NUP210L: variants seen among roughly 807,000 people sequenced by gnomAD.
The protein encoded by NUP210L is nucleoporin 210 like.
A neutral mutation model predicts 208.5 loss-of-function variants in NUP210L; 74 were observed. The observed-to-expected ratio is 0.35, with a 90% CI of 0.29 to 0.43. NUP210L has a LOEUF of 0.43. Among genes scored for constraint, NUP210L ranks in the 20% least tolerant of loss-of-function variants. The pLI, the probability that NUP210L is intolerant of heterozygous loss-of-function variation, is 1.00. For missense variants in NUP210L, 1,843 were observed against 2,289.4 expected, an observed-to-expected ratio of 0.81 and a Z score of 3.98; for synonymous variants, 780 against 816.9, an observed-to-expected ratio of 0.95 and a Z score of 0.77.
intron 25 of NUP210L, among the ~76,000 whole-genome samples, chr1:154,048,942 G>T (rs1365948411): frequency 6.6e-6 from 1 of 152,122 alleles, no homozygotes; most frequent in East Asian, 1.9e-4. Context: ...TGGAAATGGG[G>T]AAAAGTGAAA....
intron 35 of NUP210L, among the ~76,000 whole-genome samples, chr1:154,006,205 G>C (rs887261637): frequency 1.3e-5 from 2 of 151,974 alleles, no homozygotes; most frequent in Non-Finnish European, 2.9e-5. Flanking sequence ...TTTAGACAGA[G>C]TCTTGCTCTG....
intron 2 of NUP210L, among the ~76,000 whole-genome samples, chr1:154,152,086 G>A (rs1387123040): frequency 1.8e-4 from 13 of 71,314 alleles, no homozygotes; most frequent in African/African-American, 2.2e-4. Flanking sequence ...GCGAAACTCC[G>A]TCTCAAAAAA....
At chr1:154,118,025 C>T (rs17366139) in intron 11 of NUP210L, 145 bp from the exon 12 acceptor site, 7 of 634,270 alleles carry the variant, frequency 1.1e-5, no homozygotes, top group Non-Finnish European at 1.8e-5. Flanking sequence ...AACTGTGACA[C>T]TAGGCTGGGC....
intron 15 of NUP210L, among the ~76,000 whole-genome samples, chr1:154,092,542 T>G (rs11488688): frequency 7.0e-6 from 1 of 142,788 alleles, no homozygotes; most frequent in Non-Finnish European, 1.5e-5. Context: ...GCTAGTTTTT[T>G]GTTTTTTGTT....
At chr1:154,054,356 T>C in exon 25 of NUP210L, 1 of 1,614,226 alleles carries the variant, frequency 6.2e-7, no homozygotes, top group Non-Finnish European at 8.5e-7. Flanking sequence ...GTCTGATTAC[T>C]GATGGAGAAG....
intron 23 of NUP210L, among the ~76,000 whole-genome samples, chr1:154,055,293 CAGGCTGG>C (rs1316752515): frequency 6.6e-6 from 1 of 151,566 alleles, no homozygotes; most frequent in East Asian, 1.9e-4. Flanking sequence ...CTCTGTCACC[CAGGCTGG>C]AGTGCAGTGG....
At chr1:154,123,176 G>A (rs770325260) in intron 10 of NUP210L, among the ~76,000 whole-genome samples, 1 of 151,918 alleles carries the variant, frequency 6.6e-6, no homozygotes, top group South Asian at 2.1e-4. Context: ...ACGGAGTTTC[G>A]CTCTTGTTGC....
intron 17 of NUP210L, among the ~76,000 whole-genome samples, chr1:154,065,890 C>T (rs930311015): frequency 1.2e-4 from 6 of 50,176 alleles, no homozygotes; most frequent in Non-Finnish European, 1.8e-4. Context: ...GAGACTCTGT[C>T]TCAAAAAAAA....
rs962570942 is a variant in NUP210L at position 153,996,012 on chromosome 1, G to A, written c.5387-832C>T. 2.1e-5 allele frequency: 8 copies of A among 376,470 alleles called. No homozygotes were observed. In the East Asian group the frequency reaches 5.6e-4, roughly 26 times the overall value. 23.3% of individuals were successfully genotyped at this position (376,470 alleles called of 1,614,324 possible). A position where few individuals can be genotyped will look rare whatever the true frequency, so the allele number is the denominator to read the frequency against. On this transcript the variant is annotated intron_variant, in intron 37 of 39. Coordinates refer to ENST00000368559, the Ensembl canonical transcript of NUP210L. ...TGAGGAGACTTAAAAAAAAAATGCG[G>A]CCTGGCGTGGTGGCTCACACCTGTA...
intron 2 of NUP210L, among the ~76,000 whole-genome samples, chr1:154,145,493 A>G (rs1016959411): frequency 6.6e-6 from 1 of 152,310 alleles, no homozygotes; most frequent in Middle Eastern, 3.4e-3. Flanking sequence ...ATGGCCCTCA[A>G]CAAGGGCTAA....
chr1:153,998,649 C>T (rs1239001037), intron 37 of NUP210L, among the ~76,000 whole-genome samples: 20 of 150,314 alleles, frequency 1.3e-4, no homozygotes, highest in African/African-American at 3.7e-4. Flanking sequence ...TGTGGGGATC[C>T]GTGGTCTCTA....
In NUP210L at chr1:154,061,065, C is replaced by G; in HGVS notation, c.2644-19G>C. On this transcript the variant is annotated intron_variant, in intron 18 of 39. Coordinates refer to ENST00000368559, the Ensembl canonical transcript of NUP210L. ...AAATTTCCTAGAAATATAATAAGAACCACAAAAGTGAATATAAACATCTAA... is the reference window on the plus strand; with the variant it reads ...AAATTTCCTAGAAATATAATAAGAAGCACAAAAGTGAATATAAACATCTAA... The G allele has an allele frequency of 2.6e-6, 4 of 1,538,294 alleles. No homozygotes were observed. The highest frequency in any genetic ancestry group is 3.6e-6 in the Non-Finnish European group (4 of 1,111,858).
chr1:154,078,774 G>C (rs1655166501), intron 16 of NUP210L: 1 of 152,038 alleles, frequency 6.6e-6, no homozygotes, highest in Non-Finnish European at 1.5e-5. Context: ...GGTTACTAAA[G>C]ATTAAGATGT....
In NUP210L at chr1:154,042,415, T is replaced by TTTGTTG. The variant is rs575841395; in HGVS notation, c.3696+3648_3696+3653dup. Among the ~76,000 whole-genome samples the TTTGTTG allele has an allele frequency of 2.3e-3, 341 of 146,956 alleles. 1 individual carries two copies. Among genetic ancestry groups the TTTGTTG allele is most frequent in the Non-Finnish European group, 3.7e-3 (245 of 66,676 alleles). On this transcript the variant is annotated intron_variant, in intron 27 of 39. Coordinates refer to ENST00000368559, the Ensembl canonical transcript of NUP210L. ...GCCGCACCCAGCCCATGAAGGCCTTTTTGTTGTTGTTGTTGTTGTTGTTGT... is the reference window on the plus strand; with the variant it reads ...GCCGCACCCAGCCCATGAAGGCCTTTTTGTTGTTGTTGTTGTTGTTGTTGTTGTTGT...
intron 37 of NUP210L, 137 bp downstream of exon 37, chr1:154,000,719 G>A (rs1351041581): frequency 1.4e-6 from 1 of 715,214 alleles, no homozygotes; most frequent in Admixed American, 2.4e-5. Context: ...TATTTCAGGA[G>A]TTTTTCATTT....
intron 38 of NUP210L, among the ~76,000 whole-genome samples, chr1:153,993,827 G>A (rs908672110): frequency 4.6e-5 from 7 of 152,120 alleles, no homozygotes; most frequent in African/African-American, 1.2e-4. Context: ...GAAACTGGGC[G>A]ATGGAGGTTG....
At chr1:154,123,083 C>A (rs1405085099) in intron 10 of NUP210L, among the ~76,000 whole-genome samples, 1 of 150,180 alleles carries the variant, frequency 6.7e-6, no homozygotes, top group Non-Finnish European at 1.5e-5. Flanking sequence ...CAAAAAACTA[C>A]TAGAGCTAAT....
intron 16 of NUP210L, among the ~76,000 whole-genome samples, chr1:154,088,904 C>T: frequency 6.6e-6 from 1 of 151,866 alleles, no homozygotes; most frequent in East Asian, 1.9e-4. Flanking sequence ...TTTTTCATAC[C>T]CTGTTGCCTA....
intron 26 of NUP210L, 39 bp from the exon 27 acceptor site, chr1:154,046,239 C>T (rs374688930): frequency 1.9e-6 from 3 of 1,613,874 alleles, no homozygotes; most frequent in Admixed American, 1.7e-5. Context: ...ATATTCTGCC[C>T]AGTTGCAATT....
Sources: gnomAD v4.1 joint callset for allele counts (sites outside exome capture counted in the v4.1 genomes callset) on GRCh38, gnomAD v4.1.1 for gene constraint, MANE v1.5 for transcripts, NCBI Gene and HGNC (gene_info 2026-07-23, HGNC 2026-07-21) for gene names.